Variants in OCRL observed in about 807,000 individuals in gnomAD.
OCRL encodes the protein inositol polyphosphate 5-phosphatase OCRL.
A neutral mutation model predicts 78.9 loss-of-function variants in OCRL; 8 were observed. That is an observed-to-expected ratio of 0.10 (90% confidence interval 0.06 to 0.18). The LOEUF (loss-of-function observed/expected upper bound fraction) is 0.18, where lower values mean the gene tolerates loss of function less well. OCRL is among the 10% of genes least tolerant of loss of function. OCRL has a pLI of 1.00. For missense variants in OCRL, 454 were observed against 696.7 expected, an observed-to-expected ratio of 0.65 and a Z score of 3.92; for synonymous variants, 240 against 235.4, an observed-to-expected ratio of 1.02 and a Z score of -0.18.
At chrX:129,542,006 A>G (rs1331584610) in intron 2 of OCRL, among the ~76,000 whole-genome samples, 1 of 112,608 alleles carries the variant, frequency 8.9e-6, no homozygotes, top group Non-Finnish European at 1.9e-5. Flanking sequence ...AGAATTTAAT[A>G]AAACAAAATT....
In OCRL at chrX:129,558,484, A is replaced by T. The variant is rs1051272570; in HGVS notation, c.440-149A>T. Reference sequence around the variant, plus strand: ...TTCAGGGATAGGTATGCTTCTTCGAACTCCAATCCAAGTAATTTCTACCCT... The same window carrying T: ...TTCAGGGATAGGTATGCTTCTTCGATCTCCAATCCAAGTAATTTCTACCCT... On this transcript the variant is annotated intron_variant, in intron 6 of 23. Coordinates refer to ENST00000371113, the MANE Select transcript of OCRL (RefSeq NM_000276.4). 2.4e-5 allele frequency: 15 copies of T among 631,625 alleles called. No individual in the cohort carries two copies. The South Asian group carries it at 4.1e-4, about 17-fold the overall frequency. 52.1% of individuals were successfully genotyped at this position (631,625 alleles called of 1,213,427 possible).
chrX:129,589,073 GT>G, intron 22 of OCRL, 60 bp downstream of exon 22: 1 of 1,173,252 alleles, frequency 8.5e-7, no homozygotes, highest in Admixed American at 2.2e-5. Flanking sequence ...GAAGTCGTCA[GT>G]TTTACAGAGC....
chrX:129,584,265 T>C, intron 18 of OCRL, 79 bp from the exon 19 acceptor site: 2 of 912,374 alleles, frequency 2.2e-6, no homozygotes, highest in Non-Finnish European at 3.2e-6. Flanking sequence ...GTTCTAATAC[T>C]GATCTGTTTC....
chrX:129,550,981 G>T (rs1935953020), intron 4 of OCRL, among the ~76,000 whole-genome samples: 1 of 107,799 alleles, frequency 9.3e-6, no homozygotes, highest in Admixed American at 9.9e-5. Context: ...TTTCAAGTTT[G>T]TGTTTTTTAA....
intron 14 of OCRL, among the ~76,000 whole-genome samples, chrX:129,567,999 C>T (rs1011146818): frequency 5.5e-5 from 6 of 108,770 alleles, no homozygotes; most frequent in African/African-American, 1.7e-4. Context: ...CTGCAAGCTC[C>T]GCTTCCCGGG....
intron 4 of OCRL, among the ~76,000 whole-genome samples, chrX:129,554,005 C>T (rs1329823272): frequency 2.7e-5 from 3 of 110,061 alleles, no homozygotes; most frequent in Non-Finnish European, 3.8e-5. Flanking sequence ...GTAGGTGCCA[C>T]GGAAGAACAG....
chrX:129,577,668 A>T (rs1283887025), intron 18 of OCRL, among the ~76,000 whole-genome samples: 1 of 111,687 alleles, frequency 9.0e-6, no homozygotes, highest in Non-Finnish European at 1.9e-5. Flanking sequence ...TGTGACTCAG[A>T]TAGCAGATTA....
intron 8 of OCRL, 123 bp downstream of exon 8, chrX:129,559,124 G>A (rs1936107291): frequency 3.2e-6 from 2 of 620,194 alleles, no homozygotes; most frequent in Non-Finnish European, 2.5e-6. Context: ...ATGGTTGCCT[G>A]TTTCAAGCTC....
chrX:129,540,602 G>A, intron 1 of OCRL, 124 bp downstream of exon 1: 2 of 805,863 alleles, frequency 2.5e-6, no homozygotes, highest in Non-Finnish European at 3.6e-6. Context: ...GAGGGGGAGG[G>A]GGCCGGCGCG....
At position 129,587,122 on chromosome X, in the gene OCRL, A is replaced by G. The variant is rs1252932900; in HGVS notation, c.2256+4A>G. The G allele has an allele frequency of 3.7e-6, 4 of 1,080,345 alleles. No individual in the cohort carries two copies. The highest frequency in any genetic ancestry group is 5.2e-6 in the Non-Finnish European group (4 of 775,596). The allele number at this position is 1,080,345 out of a possible 1,213,427, so 89.0% of individuals were successfully genotyped here. ...ATTCAAATACGCCTGTCACCAGGTA[A>G]GTGAGAGTAGACCTTCCCTACAACT... is the stretch of plus-strand genomic sequence containing the variant. On this transcript the variant is annotated splice_donor_region_variant and intron_variant, in intron 20 of 23. Transcript: ENST00000371113.
In OCRL at chrX:129,550,963, T is replaced by A. The variant is rs1935952861; in HGVS notation, c.238+2362T>A. Among the ~76,000 whole-genome samples, 3 of 109,829 alleles carry A rather than the reference T, an allele frequency of 2.7e-5. No individual in the cohort carries two copies. The South Asian group carries it at 1.2e-3, about 42-fold the overall frequency. On this transcript the variant is annotated intron_variant, in intron 4 of 23. Transcript: ENST00000371113. ...TTTTTTTTTTTTTTAATTAAGAAAC[T>A]GCATTTATTTCAAGTTTGTGTTTTT... is the stretch of plus-strand genomic sequence containing the variant.
intron 19 of OCRL, among the ~76,000 whole-genome samples, chrX:129,586,031 T>C (rs1300142320): frequency 6.3e-5 from 7 of 110,884 alleles, no homozygotes; most frequent in Non-Finnish European, 1.3e-4. Flanking sequence ...TGCAAAAAAA[T>C]TGGTCATGGT....
Position 129,558,930 on chromosome X carries a change from G to A in OCRL, c.651G>A (p.Gly217=). The change falls in exon 8 of 24, where the codon GGG becomes GGA. Residue 217 remains glycine, a synonymous_variant. Transcript: ENST00000371113. ...RKLFVPNTQS[G]QREGLIKHIL... ...TCTTTGTACCAAATACCCAATCTGG[G>A]CAGCGGGAGGGTCTCATCAAACATA... The A allele has an allele frequency of 8.3e-7, 1 of 1,211,130 alleles. No individual in the cohort carries two copies.
chrX:129,549,853 C>T (rs1321131162), intron 4 of OCRL: 1 of 112,345 alleles, frequency 8.9e-6, no homozygotes, highest in Non-Finnish European at 1.9e-5. Flanking sequence ...GTTGTGGCCG[C>T]TTCTACATTA....
intron 4 of OCRL, 85 bp downstream of exon 4, chrX:129,548,686 A>G (rs1051119032): frequency 3.6e-6 from 3 of 829,084 alleles, no homozygotes; most frequent in African/African-American, 4.0e-5. Flanking sequence ...CTTTTGGGGC[A>G]CATTTTTTAT....
chrX:129,556,979 T>C (rs1003575665), intron 4 of OCRL, among the ~76,000 whole-genome samples: 1 of 111,980 alleles, frequency 8.9e-6, no homozygotes, highest in Non-Finnish European at 1.9e-5. Flanking sequence ...GATTGAGGAA[T>C]TTACCTTTTG....
intron 18 of OCRL, among the ~76,000 whole-genome samples, chrX:129,580,002 T>A (rs1936420374): frequency 1.8e-5 from 2 of 112,261 alleles, no homozygotes; most frequent in South Asian, 7.3e-4. Context: ...GTATTAACAA[T>A]AGGTTCCTTT....
chrX:129,575,064 T>G, intron 15 of OCRL, 76 bp from the exon 16 acceptor site: 1 of 725,285 alleles, frequency 1.4e-6, no homozygotes, highest in Non-Finnish European at 2.2e-6. Context: ...ATGACCAGTT[T>G]TAAATTGTTA....
At chrX:129,578,864 ACAT>A (rs1828335388) in intron 18 of OCRL, among the ~76,000 whole-genome samples, 2 of 110,005 alleles carry the variant, frequency 1.8e-5, no homozygotes, top group Admixed American at 1.9e-4. Context: ...ATGTGTGTGG[ACAT>A]CATTTTTCTT....
Sources: allele counts gnomAD v4.1 joint callset (sites outside exome capture counted in the v4.1 genomes callset), GRCh38; gene constraint gnomAD v4.1.1; transcripts MANE v1.5; gene names NCBI Gene and HGNC (gene_info 2026-07-23, HGNC 2026-07-21).